The following ADGRL1 variants were observed in gnomAD, a reference collection of about 807,000 sequenced individuals.
ADGRL1 encodes the protein adhesion G protein-coupled receptor L1, also known as CIRL-1.
A neutral mutation model predicts 148.9 loss-of-function variants in ADGRL1; 31 were observed. That is an observed-to-expected ratio of 0.21 (90% CI 0.16 to 0.28). ADGRL1 has a LOEUF of 0.28. Among genes scored for constraint, ADGRL1 ranks in the 10% least tolerant of loss-of-function variants. ADGRL1 has a pLI of 1.00. For missense variants in ADGRL1, 1,521 were observed against 2,058.8 expected (o/e 0.74, Z 5.05); for synonymous variants, 937 against 900.3 (o/e 1.04, Z -0.73).
At chr19:14,199,076 G>C in intron 1 of ADGRL1, among the ~76,000 whole-genome samples, 1 of 152,216 alleles carries the variant, frequency 6.6e-6, no homozygotes, top group Non-Finnish European at 1.5e-5. Context: ...GGAGACAGGG[G>C]CATGGTGCCT....
Position 14,152,651 on chromosome 19 carries a change from C to T in ADGRL1, c.3424-38G>A. ...CCCAAATGTGAGGGGATCCTTGGGC[C>T]ACCCACCCTCTGGCGTCTTTCTGAG... On this transcript the variant is annotated intron_variant, in intron 19 of 22. Transcript: ENST00000361434. This position sits in a 1 kb window ranked among gnomAD's most constrained non-coding sequence, Gnocchi z 6.1. 6.2e-7 allele frequency: 1 copy of T among 1,606,146 alleles called. No homozygotes were observed. Among genetic ancestry groups the T allele is most frequent in the Non-Finnish European group, 8.5e-7 (1 of 1,173,450 alleles).
chr19:14,194,518 C>T (rs547145080), intron 1 of ADGRL1, among the ~76,000 whole-genome samples: 10 of 152,342 alleles, frequency 6.6e-5, no homozygotes, highest in African/African-American at 2.4e-4. Context: ...TCATGTAATC[C>T]TAATAACCAT....
Position 14,157,349 on chromosome 19 carries a change from G to A in ADGRL1, c.2647C>T (p.Leu883=). The A allele has an allele frequency of 6.2e-7, 1 of 1,614,150 alleles. No individual in the cohort carries two copies. The highest frequency in any genetic ancestry group is 8.5e-7 in the Non-Finnish European group (1 of 1,179,986). The change falls in exon 14 of 23, where the codon CTG becomes TTG. Residue 883 remains leucine, a synonymous_variant. Coordinates refer to ENST00000361434, the MANE Select transcript of ADGRL1 (RefSeq NM_014921.5). The surrounding 1 kb of genome is among the most constrained non-coding windows in gnomAD (Gnocchi z 7.5). ...TGGATGGTGTTGCGGTCGGTCTGCA[G>A]CCCCCGCAGGAAGCAGAAGGTGGAG... ...CISTFCFLRG[L]QTDRNTIHKN... is the part of the protein sequence containing the mutation.
rs781421094 is a variant in ADGRL1 at position 14,158,341 on chromosome 19, C to G, written c.2361G>C (p.Leu787=). The change falls in exon 12 of 23, where the codon CTG becomes CTC. Residue 787 remains leucine, a synonymous_variant. Coordinates refer to ENST00000361434, the MANE Select transcript of ADGRL1 (RefSeq NM_014921.5). Reference sequence around the variant, plus strand: ...GGAGGGGGACGGCTCAGCTCACCTCCAGGTGGGCCACGGTGAAGATGACAG... The same window carrying G: ...GGAGGGGGACGGCTCAGCTCACCTCGAGGTGGGCCACGGTGAAGATGACAG... ...MDPVIFTVAH[L]EDKNHFNANC... is the part of the protein sequence containing the mutation. 15 of 1,613,338 alleles carry G rather than the reference C, an allele frequency of 9.3e-6. No individual in the cohort carries two copies. The South Asian group carries it at 1.6e-4, about 18-fold the overall frequency.
chr19:14,156,906 C>T lies in ADGRL1; in HGVS notation c.2966+19G>A, dbSNP rs761708153. 1.2e-6 allele frequency: 2 copies of T among 1,605,838 alleles called. No homozygotes were observed. Among genetic ancestry groups the T allele is most frequent in the Non-Finnish European group, 1.7e-6 (2 of 1,178,632 alleles). ...GGGAACCAGGTGGGAGGGTGCAGGG[C>T]TGGGAGGTGGAAACTCACGCCTTCT... On this transcript the variant is annotated intron_variant, in intron 15 of 22. Coordinates refer to ENST00000361434, the MANE Select transcript of ADGRL1 (RefSeq NM_014921.5).
At chr19:14,197,359 C>T (rs557280643) in intron 1 of ADGRL1, among the ~76,000 whole-genome samples, 280 of 152,190 alleles carry the variant, frequency 1.8e-3, no homozygotes, top group South Asian at 0.014. Flanking sequence ...TCCCTGCCCC[C>T]GCCCCCAACA....
rs748034131 is a variant in ADGRL1 at position 14,155,877 on chromosome 19, C to T, written c.3125+233G>A. On this transcript the variant is annotated intron_variant, in intron 17 of 22. Transcript: ENST00000361434. The surrounding 1 kb of genome is among the most constrained non-coding windows in gnomAD (Gnocchi z 5.0). The stretch of plus-strand genomic sequence containing the variant: ...ACTCACCTTTTGAATTTAGCCTCAG[C>T]CTACATACCGATGCCCCTAAAACCA... 5 of 587,244 alleles carry T rather than the reference C, an allele frequency of 8.5e-6. No individual in the cohort carries two copies. The highest frequency in any genetic ancestry group is 1.5e-5 in the Non-Finnish European group (5 of 328,990). 36.4% of individuals were successfully genotyped at this position (587,244 alleles called of 1,614,324 possible).
rs1459405242 is a variant in ADGRL1, at chr19:14,159,229, G to A, written c.2024-14C>T. On this transcript the variant is annotated splice_polypyrimidine_tract_variant and intron_variant, in intron 10 of 22. Transcript: ENST00000361434. The surrounding 1 kb of genome is among the most constrained non-coding windows in gnomAD (Gnocchi z 6.0). ...TGACCTCCAGGACTGTGGGGACAGG[G>A]GAAGGCAAGGCATACACAGTTGGGG... The A allele has an allele frequency of 2.5e-6, 4 of 1,613,706 alleles. No individual in the cohort carries two copies. Among genetic ancestry groups the A allele is most frequent in the Non-Finnish European group, 3.4e-6 (4 of 1,179,832 alleles).
At position 14,180,525 on chromosome 19, in the gene ADGRL1, G is replaced by A. The variant is rs144476523; in HGVS notation, c.71-2781C>T. ...CCCGCCTGAGCCTCCCAAAGTGCTG[G>A]GATTACAGGCATGAGCCACCACGCC... On this transcript the variant is annotated intron_variant, in intron 2 of 22. Coordinates refer to ENST00000361434, the MANE Select transcript of ADGRL1 (RefSeq NM_014921.5). Among the ~76,000 whole-genome samples the A allele has an allele frequency of 1.7e-3, 255 of 152,022 alleles. 2 individuals are homozygous for A. Among genetic ancestry groups the A allele is most frequent in the South Asian group, 0.015 (74 of 4,816 alleles).
chr19:14,205,681 G>A (rs1259514640), intron 1 of ADGRL1, among the ~76,000 whole-genome samples: 1 of 151,334 alleles, frequency 6.6e-6, no homozygotes, highest in South Asian at 2.1e-4. Context: ...AGCCACGCGC[G>A]GGCACACTCG....
chr19:14,171,518 T>C (rs1335726331), intron 3 of ADGRL1, among the ~76,000 whole-genome samples: 1 of 152,244 alleles, frequency 6.6e-6, no homozygotes, highest in Non-Finnish European at 1.5e-5. Context: ...TTGGCATTTT[T>C]CTTTAAATGG....
chr19:14,156,837 G>A, intron 15 of ADGRL1, 88 bp downstream of exon 15: 1 of 1,530,126 alleles, frequency 6.5e-7, no homozygotes, highest in Non-Finnish European at 8.9e-7. Context: ...AGGAGGAAGG[G>A]ACTACCGCCC....
Position 14,155,265 on chromosome 19 carries a change from C to T in ADGRL1, c.3294+94G>A. On this transcript the variant is annotated intron_variant, in intron 18 of 22. Transcript: ENST00000361434. This position sits in a 1 kb window ranked among gnomAD's most constrained non-coding sequence, Gnocchi z 5.0. ...AGCACTCACTGGGGGCTTGAGGGAGCCCCTGAGTCCCCTCCACCCTCGCCG... is the reference window on the plus strand; with the variant it reads ...AGCACTCACTGGGGGCTTGAGGGAGTCCCTGAGTCCCCTCCACCCTCGCCG... 1 of 1,415,866 alleles carries T rather than the reference C, an allele frequency of 7.1e-7. No individual in the cohort carries two copies. The highest frequency in any genetic ancestry group is 9.7e-7 in the Non-Finnish European group (1 of 1,032,014). 87.7% of individuals were successfully genotyped at this position (1,415,866 alleles called of 1,614,324 possible).
intron 1 of ADGRL1, among the ~76,000 whole-genome samples, chr19:14,187,544 A>G (rs1226907200): frequency 4.8e-5 from 7 of 144,770 alleles, no homozygotes; most frequent in Admixed American, 2.8e-4. Context: ...CTCCCTCTCC[A>G]CTGCCCCAGC....
chr19:14,167,656 A>C (rs1338475824), intron 4 of ADGRL1, among the ~76,000 whole-genome samples: 5 of 152,050 alleles, frequency 3.3e-5, no homozygotes, highest in East Asian at 1.9e-4. Flanking sequence ...AACCCAGAAG[A>C]AGCAAACACA....
intron 1 of ADGRL1, among the ~76,000 whole-genome samples, chr19:14,188,522 C>T (rs1332028643): frequency 6.6e-6 from 1 of 152,164 alleles, no homozygotes; most frequent in African/African-American, 2.4e-5. Context: ...CATCAGTGCA[C>T]GGTGCCACCA....
chr19:14,201,421 T>A (rs1448108441), intron 1 of ADGRL1, among the ~76,000 whole-genome samples: 1 of 150,344 alleles, frequency 6.7e-6, no homozygotes, highest in African/African-American at 2.4e-5. Context: ...AGGGGCATTT[T>A]TTTTTTTTTT....
chr19:14,188,373 C>T (rs549414192), intron 1 of ADGRL1, among the ~76,000 whole-genome samples: 5 of 152,240 alleles, frequency 3.3e-5, no homozygotes, highest in Admixed American at 6.5e-5. Flanking sequence ...AAGACACCCA[C>T]GGAAGAGGCA....
chr19:14,184,357 T>C (rs181148168), intron 1 of ADGRL1, among the ~76,000 whole-genome samples: 19 of 151,142 alleles, frequency 1.3e-4, no homozygotes, highest in Non-Finnish European at 2.2e-4. Flanking sequence ...GGGTGAGAAT[T>C]GTGTGCTGTC....
Sources: gnomAD v4.1 joint callset for allele counts (sites outside exome capture counted in the v4.1 genomes callset) on GRCh38, gnomAD v4.1.1 for gene constraint, Gnocchi (gnomAD v3.1) non-coding constraint, MANE v1.5 for transcripts, NCBI Gene and HGNC (gene_info 2026-07-23, HGNC 2026-07-21) for gene names.